Variants in ABCA8 observed in about 807,000 individuals in gnomAD.
ABCA8 encodes the protein ABC-type organic anion transporter ABCA8.
ABCA8 carries 177 observed loss-of-function variants against 192.3 expected under a neutral mutation model. That is an observed-to-expected ratio of 0.92 (90% confidence interval 0.81 to 1.04). ABCA8 has a LOEUF of 1.04. ABCA8 is among the 50% of genes least tolerant of loss of function. ABCA8 has a pLI of 0.00. For missense variants in ABCA8, 1,915 were observed against 1,904.8 expected, an observed-to-expected ratio of 1.01 and a Z score of -0.10; for synonymous variants, 642 against 690.2, an observed-to-expected ratio of 0.93 and a Z score of 1.09.
At position 68,937,082 on chromosome 17, in the gene ABCA8, C is replaced by G; in HGVS notation, c.335G>C (p.Ser112Thr). 6.2e-7 allele frequency: 1 copy of G among 1,608,894 alleles called. No homozygotes were observed. The change falls in exon 5 of 40, where the codon AGT becomes ACT. Residue 112 changes from serine (S) to threonine (T), a missense_variant. Coordinates refer to ENST00000586539, the MANE Select transcript of ABCA8 (RefSeq NM_001288985.2). ...KEVLGLPDEE[S>T]IKEFTANYPE... ...ATAATTTGCTGTGAATTCTTTAATA[C>G]TTTCCTCATCTGGCAGTCCCAAGAC...
At chr17:68,939,386 G>C (rs1425608454) in intron 4 of ABCA8, among the ~76,000 whole-genome samples, 1 of 151,692 alleles carries the variant, frequency 6.6e-6, no homozygotes, top group Admixed American at 6.6e-5. Context: ...TTCATGACCT[G>C]GGAACTCAAC....
intron 9 of ABCA8, among the ~76,000 whole-genome samples, chr17:68,928,373 T>C (rs2067760195): frequency 6.6e-6 from 1 of 152,204 alleles, no homozygotes; most frequent in African/African-American, 2.4e-5. Flanking sequence ...TTTTACCAAA[T>C]AGGACACAGT....
At chr17:68,917,816 C>T (rs566096877) in intron 16 of ABCA8, among the ~76,000 whole-genome samples, 25 of 152,250 alleles carry the variant, frequency 1.6e-4, no homozygotes, top group African/African-American at 5.5e-4. Context: ...TTGCAATAAG[C>T]GAGTTTCCTG....
At position 68,914,790 on chromosome 17, in the gene ABCA8, C is replaced by A. The variant is rs1348626715; in HGVS notation, c.2138+2571G>T. Among the ~76,000 whole-genome samples the A allele has an allele frequency of 5.9e-5, 9 of 151,946 alleles. 1 individual carries two copies. The South Asian group carries it at 6.2e-4, about 10-fold the overall frequency. On this transcript the variant is annotated intron_variant, in intron 17 of 39. Transcript: ENST00000586539. ...CATTCTTCACAGAATAAAAAACAAA[C>A]AAACTAATATTTATATGGAACCACA... is the stretch of plus-strand genomic sequence containing the variant.
At chr17:68,905,549 G>A (rs1162967385) in intron 19 of ABCA8, among the ~76,000 whole-genome samples, 1 of 151,852 alleles carries the variant, frequency 6.6e-6, no homozygotes, top group Non-Finnish European at 1.5e-5. Flanking sequence ...GAACACAAGA[G>A]AATAAGTTAT....
At chr17:68,873,765 G>T (rs1348109743) in intron 37 of ABCA8, among the ~76,000 whole-genome samples, 1 of 152,104 alleles carries the variant, frequency 6.6e-6, no homozygotes, top group African/African-American at 2.4e-5. Context: ...TCTTCTGCAT[G>T]TGGATATCCT....
intron 23 of ABCA8, among the ~76,000 whole-genome samples, chr17:68,892,516 G>T (rs545239444): frequency 6.6e-6 from 1 of 152,162 alleles, no homozygotes; most frequent in Admixed American, 6.5e-5. Context: ...GACTATATTG[G>T]GCACATAAAT....
intron 27 of ABCA8, chr17:68,884,757 G>A: frequency 3.0e-6 from 3 of 985,218 alleles, no homozygotes; most frequent in Non-Finnish European, 3.6e-6. Context: ...CCTTCCCATA[G>A]ATACCTCTTC....
At chr17:68,925,837 C>A (rs1344149202) in intron 10 of ABCA8, among the ~76,000 whole-genome samples, 1 of 152,180 alleles carries the variant, frequency 6.6e-6, no homozygotes, top group Admixed American at 6.5e-5. Flanking sequence ...ATTTTTCTGT[C>A]ATTCTTATTT....
At position 68,899,584 on chromosome 17, in the gene ABCA8, G is replaced by A. The variant is rs115864474; in HGVS notation, c.2764+3129C>T. ...TTTATAAACGTATATACACTTAAGAGAGACTCGAAATACAAAATAGCACTG... is the reference window on the plus strand; with the variant it reads ...TTTATAAACGTATATACACTTAAGAAAGACTCGAAATACAAAATAGCACTG... On this transcript the variant is annotated intron_variant, in intron 21 of 39. Coordinates refer to ENST00000586539, the MANE Select transcript of ABCA8 (RefSeq NM_001288985.2). Among the ~76,000 whole-genome samples the A allele has an allele frequency of 8.2e-3, 1,252 of 152,150 alleles. 19 individuals are homozygous for A. Among genetic ancestry groups the A allele is most frequent in the African/African-American group, 0.027 (1,134 of 41,534 alleles).
At chr17:68,942,690 C>T (rs146464942) in intron 2 of ABCA8, among the ~76,000 whole-genome samples, 12 of 152,188 alleles carry the variant, frequency 7.9e-5, no homozygotes, top group African/African-American at 2.2e-4. Context: ...CTTTGCCATT[C>T]GGTGGGTTTC....
intron 21 of ABCA8, among the ~76,000 whole-genome samples, chr17:68,900,489 A>G (rs1164483622): frequency 2.0e-5 from 3 of 150,680 alleles, no homozygotes; most frequent in Non-Finnish European, 3.0e-5. Context: ...TAGCTACACT[A>G]GTACATTTCT....
intron 22 of ABCA8, 50 bp from the exon 23 acceptor site, chr17:68,894,360 CT>C (rs1427911445): frequency 1.3e-6 from 2 of 1,510,364 alleles, no homozygotes; most frequent in African/African-American, 2.8e-5. Flanking sequence ...TCATTTTGTT[CT>C]CTAAAAAAGT....
chr17:68,940,200 C>T (rs1038235894), intron 4 of ABCA8, among the ~76,000 whole-genome samples: 4 of 152,064 alleles, frequency 2.6e-5, no homozygotes, highest in African/African-American at 9.7e-5. Context: ...AACTACTTAA[C>T]CTTAACTCGT....
chr17:68,924,896 T>C (rs1383138542), intron 10 of ABCA8, 27 bp from the exon 11 acceptor site: 6 of 1,609,662 alleles, frequency 3.7e-6, no homozygotes, highest in Non-Finnish European at 5.1e-6. Context: ...CAATTAAATA[T>C]TGGGTCAATG....
chr17:68,947,812 T>C (rs1290772765), intron 2 of ABCA8, among the ~76,000 whole-genome samples: 1 of 152,160 alleles, frequency 6.6e-6, no homozygotes, highest in Non-Finnish European at 1.5e-5. Context: ...GTAACCATGG[T>C]GGTTTGCTGC....
rs1379324150 is a variant in ABCA8, at chr17:68,867,929, T to C, written c.*156A>G. 3.2e-6 allele frequency: 2 copies of C among 618,558 alleles called. No individual in the cohort carries two copies. The highest frequency in any genetic ancestry group is 5.6e-6 in the Non-Finnish European group (2 of 356,544). 38.3% of individuals were successfully genotyped at this position (618,558 alleles called of 1,614,324 possible). On this transcript the variant is annotated 3_prime_UTR_variant, in exon 40 of 40. Transcript: ENST00000586539. Reference sequence around the variant, plus strand: ...TCAAATGCCTCTGTCCACACTGACATGGCACTTACCCAGCACCCGAACCTC... The same window carrying C: ...TCAAATGCCTCTGTCCACACTGACACGGCACTTACCCAGCACCCGAACCTC...
intron 8 of ABCA8, 49 bp from the exon 9 acceptor site, chr17:68,929,283 C>T: frequency 7.2e-7 from 1 of 1,395,902 alleles, no homozygotes; most frequent in South Asian, 1.7e-5. Flanking sequence ...AACATTATTA[C>T]TAGCATAATA....
At chr17:68,886,325 T>G (rs4148005) in intron 26 of ABCA8, among the ~76,000 whole-genome samples, 59,253 of 151,954 alleles carry the variant, frequency 0.39, 12,441 homozygotes, top group African/African-American at 0.55. Flanking sequence ...GTGCACCTTG[T>G]TTTTTGTCTA....
Sources: gnomAD v4.1 joint callset for allele counts (sites outside exome capture counted in the v4.1 genomes callset) on GRCh38, gnomAD v4.1.1 for gene constraint, MANE v1.5 for transcripts, NCBI Gene and HGNC (gene_info 2026-07-23, HGNC 2026-07-21) for gene names.